Variants in TNS3 observed in about 807,000 individuals in gnomAD.
The protein encoded by TNS3 is tensin 3.
In TNS3, 45 loss-of-function variants were observed where a neutral mutation model predicts 140.9. The ratio of observed to expected loss-of-function variants is 0.32; its 90% CI spans 0.25 to 0.41. The LOEUF (loss-of-function observed/expected upper bound fraction) is 0.41, where lower values mean the gene tolerates loss of function less well. Ranked by LOEUF, TNS3 falls within the 10% of genes least tolerant of loss-of-function variation. The pLI, the probability that TNS3 is intolerant of heterozygous loss-of-function variation, is 1.00. For missense variants in TNS3, 1,716 were observed against 1,906.7 expected (o/e 0.90, Z 1.86); for synonymous variants, 815 against 788.4 (o/e 1.03, Z -0.56).
intron 16 of TNS3, among the ~76,000 whole-genome samples, chr7:47,378,347 G>A (rs572968263): frequency 6.6e-5 from 10 of 152,150 alleles, no homozygotes; most frequent in Middle Eastern, 3.2e-3. Context: ...TTACACTGAG[G>A]AACTGTTCTC....
intron 2 of TNS3, among the ~76,000 whole-genome samples, chr7:47,515,407 T>C (rs974120614): frequency 6.6e-6 from 1 of 152,072 alleles, no homozygotes; most frequent in Non-Finnish European, 1.5e-5. Flanking sequence ...AACTACACTA[T>C]CACTATCACC....
At chr7:47,533,516 C>T (rs917757120) in intron 1 of TNS3, among the ~76,000 whole-genome samples, 16 of 151,020 alleles carry the variant, frequency 1.1e-4, no homozygotes, top group Middle Eastern at 3.4e-3. Flanking sequence ...CTATATCAGA[C>T]AAAGTAGGCT....
Position 47,369,537 on chromosome 7 carries a change from C to T in TNS3, c.1109G>A (p.Gly370Asp), listed in dbSNP as rs957090635. 76 of 1,613,284 alleles carry T rather than the reference C, an allele frequency of 4.7e-5. No homozygotes were observed. The highest frequency in any genetic ancestry group is 6.2e-5 in the Non-Finnish European group (73 of 1,179,706). Residue 370 changes from glycine (G) to aspartate (D), a missense_variant, in exon 17 of 31, where the codon GGC (glycine) becomes GAC (aspartate). This residue lies in a region of TNS3 where 1,163 missense variants were observed against 1,182.1 expected (regional missense o/e 0.98). Transcript: ENST00000311160. ...KSSSDPGIPGGPQAIPATNSP... is the reference protein window; with the variant it reads ...KSSSDPGIPGDPQAIPATNSP... ...GTTGGTGGCCGGGATTGCCTGGGGG[C>T]CACCTGGGATGCCAGGATCCGAGGA...
intron 20 of TNS3, among the ~76,000 whole-genome samples, chr7:47,341,657 T>C (rs1400399507): frequency 1.3e-5 from 2 of 152,140 alleles, no homozygotes; most frequent in African/African-American, 2.4e-5. Context: ...ATTTTATTGA[T>C]CTTTTCAAAG....
At chr7:47,465,261 C>T (rs1167754937) in intron 4 of TNS3, among the ~76,000 whole-genome samples, 1 of 152,208 alleles carries the variant, frequency 6.6e-6, no homozygotes, top group Non-Finnish European at 1.5e-5. Context: ...GAGGGGCTAT[C>T]ACCCAGATGT....
At chr7:47,283,646 G>GT (rs1785260257) in intron 28 of TNS3, 51 bp downstream of exon 28, 1 of 1,463,750 alleles carries the variant, frequency 6.8e-7, no homozygotes, top group African/African-American at 1.4e-5. Context: ...CAAGAGGAAC[G>GT]TGACAGCCCC....
intron 8 of TNS3, among the ~76,000 whole-genome samples, chr7:47,433,419 T>C (rs899636216): frequency 6.6e-6 from 1 of 152,184 alleles, no homozygotes; most frequent in African/African-American, 2.4e-5. Flanking sequence ...AGTTTCAACA[T>C]GTTCCCATGA....
intron 13 of TNS3, among the ~76,000 whole-genome samples, chr7:47,405,815 AT>A (rs1282380135): frequency 6.6e-6 from 1 of 152,148 alleles, no homozygotes. Context: ...CAACAGCACT[AT>A]TTGTTTGTGA....
At chr7:47,519,253 T>TC (rs199969424) in intron 2 of TNS3, among the ~76,000 whole-genome samples, 49 of 122,918 alleles carry the variant, frequency 4.0e-4, no homozygotes, top group East Asian at 8.2e-4. Context: ...ATTTAAGATA[T>TC]CCCCCCCCAA....
intron 3 of TNS3, among the ~76,000 whole-genome samples, chr7:47,504,001 T>C (rs926573844): frequency 6.6e-6 from 1 of 152,090 alleles, no homozygotes; most frequent in Non-Finnish European, 1.5e-5. Context: ...TACCATCACC[T>C]TGGGGGTCAG....
At chr7:47,389,280 C>T (rs1269606714) in intron 16 of TNS3, among the ~76,000 whole-genome samples, 1 of 151,896 alleles carries the variant, frequency 6.6e-6, no homozygotes, top group Non-Finnish European at 1.5e-5. Flanking sequence ...ATGCACAGGA[C>T]ACCCCGTCCA....
At chr7:47,282,914 A>G (rs1785222848) in intron 28 of TNS3, among the ~76,000 whole-genome samples, 1 of 152,116 alleles carries the variant, frequency 6.6e-6, no homozygotes, top group Non-Finnish European at 1.5e-5. Context: ...TGGGCACCAC[A>G]GAGAGGCATG....
intron 3 of TNS3, among the ~76,000 whole-genome samples, chr7:47,486,026 G>A (rs1797600117): frequency 6.6e-6 from 1 of 151,562 alleles, no homozygotes; most frequent in African/African-American, 2.4e-5. Flanking sequence ...GAGTGTGTGT[G>A]GGGGTGAGTG....
intron 16 of TNS3, chr7:47,396,574 C>G: frequency 3.7e-6 from 2 of 547,334 alleles, no homozygotes; most frequent in South Asian, 2.0e-5. Flanking sequence ...GCTCATCCAC[C>G]CGTTACAGCT....
chr7:47,442,601 T>C (rs1189687810), intron 4 of TNS3, among the ~76,000 whole-genome samples: 1 of 152,160 alleles, frequency 6.6e-6, no homozygotes, highest in Non-Finnish European at 1.5e-5. Flanking sequence ...TCAGGAAAAA[T>C]GCCCAGCAAC....
At chr7:47,481,726 C>T in intron 3 of TNS3, 1 of 985,334 alleles carries the variant, frequency 1.0e-6, no homozygotes, top group Non-Finnish European at 1.2e-6. Flanking sequence ...AGACCGAGAG[C>T]TCCCTGGGAA....
At chr7:47,415,958 G>A (rs1410132420) in intron 10 of TNS3, among the ~76,000 whole-genome samples, 2 of 152,246 alleles carry the variant, frequency 1.3e-5, no homozygotes, top group East Asian at 3.9e-4. Context: ...AGTGACCACA[G>A]GATGAGCCGG....
intron 1 of TNS3, among the ~76,000 whole-genome samples, chr7:47,545,209 G>A (rs1584841853): frequency 1.4e-5 from 2 of 143,424 alleles, no homozygotes; most frequent in African/African-American, 2.6e-5. Flanking sequence ...GCACAATCTC[G>A]GCTCACTGCA....
Position 47,281,662 on chromosome 7 carries a change from G to A in TNS3, c.4098-1308C>T, listed in dbSNP as rs186690936. On this transcript the variant is annotated intron_variant, in intron 28 of 30. Coordinates refer to ENST00000311160, the MANE Select transcript of TNS3 (RefSeq NM_022748.12). ...AAACGCTATCTCTTACAGTATGAAA[G>A]ATCTGAACTGATGTGGACATGACCC... Among the ~76,000 whole-genome samples the A allele has an allele frequency of 1.1e-3, 160 of 152,298 alleles. 1 individual carries two copies. The highest frequency in any genetic ancestry group is 3.4e-3 in the Middle Eastern group (1 of 294).
Sources: allele counts gnomAD v4.1 joint callset (sites outside exome capture counted in the v4.1 genomes callset), GRCh38; gene constraint gnomAD v4.1.1; regional missense constraint gnomAD v4.1.1; transcripts MANE v1.5; gene names NCBI Gene and HGNC (gene_info 2026-07-23, HGNC 2026-07-21).